OCA2: variants seen among roughly 807,000 people sequenced by gnomAD.
The protein encoded by OCA2 is OCA2 melanosomal transmembrane protein.
OCA2 carries 77 observed loss-of-function variants against 100.2 expected under a neutral mutation model. The observed-to-expected ratio is 0.77, with a 90% confidence interval of 0.64 to 0.93. The LOEUF is 0.93. Among genes scored for constraint, OCA2 ranks in the 40% least tolerant of loss-of-function variants. The probability of loss-of-function intolerance (pLI) is 0.00; values close to 1 mark genes in which losing one functional copy is unlikely to be tolerated. For missense variants in OCA2, 1,062 were observed against 1,089.1 expected (o/e 0.98, Z 0.35); for synonymous variants, 432 against 439.2 (o/e 0.98, Z 0.21).
chr15:27,927,011 C>T (rs540629526), intron 18 of OCA2, among the ~76,000 whole-genome samples: 3 of 152,238 alleles, frequency 2.0e-5, no homozygotes, highest in African/African-American at 2.4e-5. Flanking sequence ...CACTGTTGGC[C>T]GGGCCCGATG....
chr15:27,954,698 C>CAA (rs796586679), intron 17 of OCA2, among the ~76,000 whole-genome samples: 44 of 148,440 alleles, frequency 3.0e-4, no homozygotes, highest in Non-Finnish European at 4.7e-4. Flanking sequence ...AAGAATGAGC[C>CAA]AAAAAAAACA....
rs778624867 is a variant in OCA2, at chr15:28,095,290, G to A, written c.-22+3934C>T. Among the ~76,000 whole-genome samples the A allele has an allele frequency of 9.9e-4, 151 of 152,230 alleles. 1 individual carries two copies. Among genetic ancestry groups the A allele is most frequent in the Admixed American group, 4.5e-3 (69 of 15,312 alleles). On this transcript the variant is annotated intron_variant, in intron 1 of 23. Coordinates refer to ENST00000354638, the MANE Select transcript of OCA2 (RefSeq NM_000275.3). ...AGCCAGGCCGCCCTGCGCACTCCCCGCCCGGGTGCGCCCGGGGGACCGCGG... is the reference window on the plus strand; with the variant it reads ...AGCCAGGCCGCCCTGCGCACTCCCCACCCGGGTGCGCCCGGGGGACCGCGG...
chr15:28,073,337 C>G (rs989737291), intron 2 of OCA2, among the ~76,000 whole-genome samples: 7 of 152,158 alleles, frequency 4.6e-5, no homozygotes, highest in African/African-American at 1.7e-4. Context: ...TCGCTTGAAC[C>G]CGGGAGGTGG....
chr15:27,945,916 T>TA (rs999256609), intron 18 of OCA2, among the ~76,000 whole-genome samples: 2 of 152,198 alleles, frequency 1.3e-5, no homozygotes, highest in African/African-American at 4.8e-5. Flanking sequence ...CACAGGTTCA[T>TA]AATCAGTTAT....
At chr15:27,870,542 C>A (rs1464015142) in intron 21 of OCA2, among the ~76,000 whole-genome samples, 6 of 152,140 alleles carry the variant, frequency 3.9e-5, no homozygotes, top group Admixed American at 3.3e-4. Context: ...CAAGACCACA[C>A]AGAGAATGAA....
chr15:27,950,125 GT>G (rs2140591687), intron 18 of OCA2, among the ~76,000 whole-genome samples: 1 of 152,276 alleles, frequency 6.6e-6, no homozygotes, highest in Non-Finnish European at 1.5e-5. Context: ...TTAAAGTATT[GT>G]TTTTAATACA....
At chr15:27,810,001 A>G (rs2034010495) in intron 23 of OCA2, among the ~76,000 whole-genome samples, 1 of 152,242 alleles carries the variant, frequency 6.6e-6, no homozygotes, top group Non-Finnish European at 1.5e-5. Flanking sequence ...TATTTTTTAC[A>G]GAATTTTTTT....
intron 2 of OCA2, among the ~76,000 whole-genome samples, chr15:28,048,073 G>A (rs1160872566): frequency 2.0e-5 from 3 of 152,166 alleles, no homozygotes; most frequent in African/African-American, 7.2e-5. Flanking sequence ...AGAGGTAAAA[G>A]ACGTGTACAC....
At chr15:27,993,545 C>T (rs2041624353) in intron 9 of OCA2, among the ~76,000 whole-genome samples, 1 of 152,176 alleles carries the variant, frequency 6.6e-6, no homozygotes, top group Admixed American at 6.5e-5. Flanking sequence ...CAGATTAACA[C>T]ACAAATGAGC....
intron 19 of OCA2, among the ~76,000 whole-genome samples, chr15:27,895,140 G>C (rs1158029227): frequency 6.6e-6 from 1 of 152,170 alleles, no homozygotes; most frequent in Non-Finnish European, 1.5e-5. Context: ...ATAAGGACCT[G>C]TCTGTGTATC....
chr15:27,822,234 T>TACCTC (rs753617117), intron 23 of OCA2, among the ~76,000 whole-genome samples: 2 of 152,218 alleles, frequency 1.3e-5, no homozygotes, highest in Non-Finnish European at 2.9e-5. Context: ...TATCCTATTT[T>TACCTC]CTAACAGCAC....
intron 19 of OCA2, 59 bp from the exon 20 acceptor site, chr15:27,871,981 A>T (rs971571733): frequency 2.0e-5 from 23 of 1,172,168 alleles, no homozygotes; most frequent in Admixed American, 1.1e-4. Flanking sequence ...TGCAAGATTT[A>T]AAAAAAAAGT....
intron 17 of OCA2, among the ~76,000 whole-genome samples, chr15:27,952,679 T>C (rs1030255818): frequency 2.0e-5 from 3 of 152,078 alleles, no homozygotes; most frequent in Non-Finnish European, 4.4e-5. Context: ...TTTTTATTTT[T>C]ATTTTCATTT....
intron 19 of OCA2, among the ~76,000 whole-genome samples, chr15:27,925,562 T>G (rs1375992003): frequency 2.6e-5 from 4 of 152,168 alleles, no homozygotes; most frequent in Non-Finnish European, 4.4e-5. Context: ...CATGTTAAAT[T>G]GAAGAAATGC....
intron 23 of OCA2, among the ~76,000 whole-genome samples, chr15:27,768,747 G>A (rs1372851789): frequency 1.3e-5 from 2 of 152,208 alleles, no homozygotes; most frequent in Admixed American, 1.3e-4. Flanking sequence ...TGATAACCCT[G>A]TCTATGGGAC....
At chr15:28,027,556 C>G (rs890949702) in intron 4 of OCA2, among the ~76,000 whole-genome samples, 1 of 152,180 alleles carries the variant, frequency 6.6e-6, no homozygotes, top group Non-Finnish European at 1.5e-5. Flanking sequence ...GCCACGGGGA[C>G]GCCTGAAGCA....
Position 28,023,131 on chromosome 15 carries a change from G to A in OCA2, c.574-558C>T, listed in dbSNP as rs77470735. 6.0e-4 allele frequency among the ~76,000 whole-genome samples: 92 copies of A among 152,238 alleles called. 2 individuals are homozygous for A. The East Asian group carries it at 0.015, about 24-fold the overall frequency. ...AGGGGAGACCTGGCCCACCCTGCCC[G>A]GTTCCTTTGAAATCTCAGAGCACCT... On this transcript the variant is annotated intron_variant, in intron 5 of 23. Coordinates refer to ENST00000354638, the MANE Select transcript of OCA2 (RefSeq NM_000275.3).
chr15:27,876,507 A>T (rs965387724), intron 19 of OCA2, among the ~76,000 whole-genome samples: 4 of 152,004 alleles, frequency 2.6e-5, no homozygotes, highest in Non-Finnish European at 5.9e-5. Context: ...AAAGAGATTT[A>T]TAGGATTGGT....
chr15:27,940,329 C>T (rs752479139), intron 18 of OCA2, among the ~76,000 whole-genome samples: 40 of 152,234 alleles, frequency 2.6e-4, no homozygotes, highest in Non-Finnish European at 4.3e-4. Context: ...ACTGGACCCC[C>T]AGAAAGGTTT....
Sources: gnomAD v4.1 joint callset for allele counts (sites outside exome capture counted in the v4.1 genomes callset) on GRCh38, gnomAD v4.1.1 for gene constraint, MANE v1.5 for transcripts, NCBI Gene and HGNC (gene_info 2026-07-23, HGNC 2026-07-21) for gene names.